ARHGEF10: variants seen among roughly 807,000 people sequenced by gnomAD.
ARHGEF10 encodes the protein Rho guanine nucleotide exchange factor 10.
ARHGEF10 carries 140 observed loss-of-function variants against 147.4 expected under a neutral mutation model. The observed-to-expected ratio is 0.95, with a 90% CI of 0.83 to 1.09. ARHGEF10 has a LOEUF of 1.09. ARHGEF10 is among the 50% of genes least tolerant of loss of function. ARHGEF10 has a pLI of 0.00. For synonymous variants in ARHGEF10, 902 were observed against 695.8 expected (o/e 1.30, Z -4.67); for missense variants, 2,222 against 1,752.7 (o/e 1.27, Z -4.78).
chr8:1,880,252 A>C, intron 9 of ARHGEF10, 88 bp downstream of exon 9: 1 of 920,102 alleles, frequency 1.1e-6, no homozygotes, highest in Non-Finnish European at 1.8e-6. Context: ...TGCTGTCTCA[A>C]CAGCGGTTCT....
At chr8:1,850,735 T>G in intron 2 of ARHGEF10, among the ~76,000 whole-genome samples, 1 of 152,184 alleles carries the variant, frequency 6.6e-6, no homozygotes, top group East Asian at 1.9e-4. Flanking sequence ...GTCCACTCAA[T>G]ACCTGCCCAT....
At chr8:1,917,374 C>T (rs542925059) in intron 18 of ARHGEF10, among the ~76,000 whole-genome samples, 2 of 152,334 alleles carry the variant, frequency 1.3e-5, no homozygotes, top group Middle Eastern at 3.4e-3. Context: ...TCTGACGTCT[C>T]GGTCTCACAT....
At chr8:1,835,024 C>CT (rs1803495555) in intron 1 of ARHGEF10, among the ~76,000 whole-genome samples, 2 of 152,266 alleles carry the variant, frequency 1.3e-5, no homozygotes, top group South Asian at 4.1e-4. Context: ...CCACAACGCT[C>CT]TGAGCTCGGC....
chr8:1,838,961 T>G (rs1803756869), intron 1 of ARHGEF10, among the ~76,000 whole-genome samples: 2 of 149,704 alleles, frequency 1.3e-5, no homozygotes, highest in African/African-American at 5.0e-5. Flanking sequence ...GCATGGAAGC[T>G]GTCTGGCGTG....
At position 1,882,964 on chromosome 8, in the gene ARHGEF10, G is replaced by A. The variant is rs909911394; in HGVS notation, c.1075+215G>A. Among the ~76,000 whole-genome samples the A allele has an allele frequency of 2.6e-5, 4 of 152,218 alleles. No individual in the cohort carries two copies. In the South Asian group the frequency reaches 8.3e-4, roughly 32 times the overall value. ...TTTAGACCGAGGGCACCCAGCAGCAGAGAATCATTGAGAATCATTGAGAAT... is the reference window on the plus strand; with the variant it reads ...TTTAGACCGAGGGCACCCAGCAGCAAAGAATCATTGAGAATCATTGAGAAT... On this transcript the variant is annotated intron_variant, in intron 10 of 28. Coordinates refer to ENST00000349830, the MANE Select transcript of ARHGEF10 (RefSeq NM_014629.4).
chr8:1,908,020 C>T (rs987260702), intron 17 of ARHGEF10, among the ~76,000 whole-genome samples: 11 of 152,114 alleles, frequency 7.2e-5, no homozygotes, highest in Admixed American at 5.2e-4. Flanking sequence ...GTCTAATTCA[C>T]GGAACACAAC....
At chr8:1,888,343 CACTG>C (rs1808963932) in intron 11 of ARHGEF10, among the ~76,000 whole-genome samples, 1 of 107,418 alleles carries the variant, frequency 9.3e-6, no homozygotes, top group Admixed American at 8.5e-5. Context: ...TGTGAGGAGA[CACTG>C]AGTGGGGTGA....
intron 26 of ARHGEF10, among the ~76,000 whole-genome samples, chr8:1,935,594 C>G (rs1399988645): frequency 2.0e-5 from 3 of 152,204 alleles, no homozygotes. Flanking sequence ...GGCAGCCCCT[C>G]CGGAGGGCAC....
intron 8 of ARHGEF10, among the ~76,000 whole-genome samples, chr8:1,877,186 G>C (rs1807781902): frequency 6.6e-6 from 1 of 152,176 alleles, no homozygotes; most frequent in Non-Finnish European, 1.5e-5. Flanking sequence ...AAGATGTTAA[G>C]GGACAAAAGC....
chr8:1,949,393 A>G (rs1486480415), intron 27 of ARHGEF10, among the ~76,000 whole-genome samples: 3 of 152,250 alleles, frequency 2.0e-5, no homozygotes, highest in Non-Finnish European at 2.9e-5. Context: ...TAACATACAC[A>G]TTCGTTAGAG....
chr8:1,950,649 C>G (rs1419482185), intron 27 of ARHGEF10, among the ~76,000 whole-genome samples: 1 of 151,772 alleles, frequency 6.6e-6, no homozygotes, highest in Non-Finnish European at 1.5e-5. Flanking sequence ...TCTCCTGCCT[C>G]AGCTCCTGAG....
At position 1,882,688 on chromosome 8, in the gene ARHGEF10, G is replaced by A. The variant is rs186467970; in HGVS notation, c.1014G>A (p.Arg338=). The part of the protein sequence containing the change: ...AKDGTKDGLE[R]TRAAVKRGRS... ...ACGGCACCAAGGACGGGCTGGAGAG[G>A]ACCAGGGCAGCCGTGAAGAGGGGCC... is the stretch of plus-strand genomic sequence containing the variant. Residue 338 remains arginine (R), a synonymous_variant, in exon 10 of 29, where the codon AGG becomes AGA. Transcript: ENST00000349830. The A allele has an allele frequency of 1.8e-5, 28 of 1,557,416 alleles. No individual in the cohort carries two copies. The Admixed American group carries it at 5.4e-4, about 30-fold the overall frequency.
chr8:1,866,792 G>A (rs180682976), intron 6 of ARHGEF10, among the ~76,000 whole-genome samples, 190 bp downstream of exon 6: 10 of 152,204 alleles, frequency 6.6e-5, no homozygotes, highest in Non-Finnish European at 1.3e-4. Context: ...GTCACTTCCC[G>A]TGAGGCCACC....
chr8:1,863,762 G>A (rs1014931851), intron 4 of ARHGEF10, among the ~76,000 whole-genome samples: 1 of 152,086 alleles, frequency 6.6e-6, no homozygotes, highest in Non-Finnish European at 1.5e-5. Flanking sequence ...CCTGCACTGC[G>A]GCTTTGCTCA....
intron 15 of ARHGEF10, among the ~76,000 whole-genome samples, chr8:1,898,992 C>A (rs1477491534): frequency 1.3e-5 from 2 of 152,186 alleles, no homozygotes; most frequent in African/African-American, 4.8e-5. Context: ...CAAAACATAC[C>A]CATCACTGAT....
intron 15 of ARHGEF10, among the ~76,000 whole-genome samples, chr8:1,901,170 C>T (rs553020313): frequency 6.2e-4 from 94 of 152,080 alleles, no homozygotes; most frequent in African/African-American, 2.1e-3. Context: ...CGGGATGGGG[C>T]GAGGAGACAG....
rs1412847555 is a variant in ARHGEF10, at chr8:1,836,687, A to T, written c.-47-6666A>T. On this transcript the variant is annotated intron_variant, in intron 1 of 28. Transcript: ENST00000349830. ...CACAGGCAGCTCTGAGTCCAGAAAC[A>T]AAGGCGTGGTTTCTGTGTCAGCCCC... Among the ~76,000 whole-genome samples, 2 of 152,090 alleles carry T rather than the reference A, an allele frequency of 1.3e-5. 1 individual carries two copies. Among genetic ancestry groups the T allele is most frequent in the African/African-American group, 4.8e-5 (2 of 41,402 alleles).
intron 2 of ARHGEF10, among the ~76,000 whole-genome samples, chr8:1,849,570 A>C (rs1378167647): frequency 7.4e-6 from 1 of 135,158 alleles, no homozygotes; most frequent in Non-Finnish European, 1.6e-5. Flanking sequence ...AATGCTGAGG[A>C]GGGCGTGGGG....
intron 11 of ARHGEF10, among the ~76,000 whole-genome samples, chr8:1,892,368 AT>A (rs1238513396): frequency 1.4e-5 from 2 of 144,832 alleles, no homozygotes; most frequent in Admixed American, 1.4e-4. Flanking sequence ...ATACATTAGT[AT>A]TTTTTTAATA....
Sources: gnomAD v4.1 joint callset for allele counts (sites outside exome capture counted in the v4.1 genomes callset) on GRCh38, gnomAD v4.1.1 for gene constraint, MANE v1.5 for transcripts, NCBI Gene and HGNC (gene_info 2026-07-23, HGNC 2026-07-21) for gene names.